The following CNGB1 variants were observed in gnomAD, a reference collection of about 807,000 sequenced individuals.
CNGB1 encodes cyclic nucleotide gated channel subunit beta 1.
Under a neutral mutation model 151.7 loss-of-function variants are expected in CNGB1, and 126 were observed. The observed-to-expected ratio is 0.83, with a 90% confidence interval of 0.72 to 0.96. The LOEUF (loss-of-function observed/expected upper bound fraction) is 0.96. CNGB1 is among the 40% of genes least tolerant of loss of function. The pLI, the probability that CNGB1 is intolerant of heterozygous loss-of-function variation, is 0.00. For synonymous variants in CNGB1, 623 were observed against 635.1 expected (o/e 0.98, Z 0.29); for missense variants, 1,698 against 1,627.0 (o/e 1.04, Z -0.75).
intron 31 of CNGB1, among the ~76,000 whole-genome samples, chr16:57,895,916 G>A (rs1272160273): frequency 2.0e-5 from 3 of 152,134 alleles, no homozygotes; most frequent in African/African-American, 7.2e-5. Context: ...AATAATGATT[G>A]TTAACAGAGT....
In CNGB1 at chr16:57,949,436, C is replaced by G. The variant is rs1167148400; in HGVS notation, c.1038G>C (p.Glu346Asp). Residue 346 changes from glutamate (E) to aspartate (D), a missense_variant, in exon 14 of 33, where the codon GAG (glutamate) becomes GAC (aspartate). By Grantham distance (45) the Glu-to-Asp change is conservative. Transcript: ENST00000251102. ...ENKAVEKMPR[E>D]LSRIEEEKED... ...CTTTCTCCTCTTCAATCCGGGACAG[C>G]TCTCTGAGTTGGGGTTAGAGGCAGG... 1 of 1,613,740 alleles carries G rather than the reference C, an allele frequency of 6.2e-7. No individual in the cohort carries two copies.
rs1461574260 is a variant in CNGB1 at position 57,916,264 on chromosome 16, A to AC, written c.2167-86dup. Reference sequence around the variant, plus strand: ...GAGCAATTGTGAAACTTCCCCAAGAACCCCACCCTGAAACGAGCATAACAG... The same window carrying AC: ...GAGCAATTGTGAAACTTCCCCAAGAACCCCCACCCTGAAACGAGCATAACAG... On this transcript the variant is annotated intron_variant, in intron 21 of 32. Transcript: ENST00000251102. 2.8e-5 allele frequency: 38 copies of AC among 1,346,288 alleles called. 1 individual carries two copies. The Admixed American group carries it at 5.2e-4, about 19-fold the overall frequency. The allele number at this position is 1,346,288 out of a possible 1,614,324, so 83.4% of individuals were successfully genotyped here. A position where few individuals can be genotyped will look rare whatever the true frequency, so the allele number is the denominator to read the frequency against.
At chr16:57,925,628 T>C (rs891422883) in intron 17 of CNGB1, among the ~76,000 whole-genome samples, 50 of 152,138 alleles carry the variant, frequency 3.3e-4, no homozygotes, top group African/African-American at 1.2e-3. Context: ...GAAAGTAAAA[T>C]GGTGGAGCTG....
chr16:57,907,039 C>A (rs1276297250), intron 25 of CNGB1, among the ~76,000 whole-genome samples: 2 of 152,298 alleles, frequency 1.3e-5, no homozygotes, highest in Non-Finnish European at 2.9e-5. Flanking sequence ...TCTTAAGAAT[C>A]CTCCTTCATT....
Position 57,904,850 on chromosome 16 carries a change from C to T in CNGB1, c.2518G>A (p.Val840Met), listed in dbSNP as rs1349863026. The T allele has an allele frequency of 1.2e-6, 2 of 1,614,034 alleles. No individual in the cohort carries two copies. The highest frequency in any genetic ancestry group is 2.2e-5 in the East Asian group (1 of 44,892). Reference protein sequence around the residue: ...NSYIRCYYFAVKTLITIGGLP... With the variant: ...NSYIRCYYFAMKTLITIGGLP... ...CCCCCGATGGTGATGAGGGTCTTCA[C>T]AGCAAAGTAGTAACAGCGAATATAA... The change falls in exon 26 of 33, where the codon GTG (valine) becomes ATG (methionine). Residue 840 changes from valine to methionine, a missense_variant. Coordinates refer to ENST00000251102, the MANE Select transcript of CNGB1 (RefSeq NM_001297.5).
intron 12 of CNGB1, among the ~76,000 whole-genome samples, chr16:57,953,114 T>C (rs1233753004): frequency 6.6e-6 from 1 of 152,152 alleles, no homozygotes; most frequent in East Asian, 1.9e-4. Context: ...CCATAGAAAC[T>C]GCCACTCCAC....
At chr16:57,928,169 G>T (rs2149370279) in intron 17 of CNGB1, among the ~76,000 whole-genome samples, 1 of 152,338 alleles carries the variant, frequency 6.6e-6, no homozygotes, top group African/African-American at 2.4e-5. Flanking sequence ...TGTACACACA[G>T]CCTTCTCCCA....
At chr16:57,969,199 C>T (rs886886961) in intron 1 of CNGB1, among the ~76,000 whole-genome samples, 10 of 151,946 alleles carry the variant, frequency 6.6e-5, no homozygotes, top group East Asian at 5.8e-4. Context: ...CCAGCTACTC[C>T]GGAGGCTGAG....
At chr16:57,894,370 G>A (rs1338308955) in intron 31 of CNGB1, among the ~76,000 whole-genome samples, 1 of 152,256 alleles carries the variant, frequency 6.6e-6, no homozygotes, top group Non-Finnish European at 1.5e-5. Flanking sequence ...GGAGGCAGAA[G>A]CGGGCAGATC....
intron 17 of CNGB1, among the ~76,000 whole-genome samples, chr16:57,929,252 A>T (rs756894998): frequency 7.9e-5 from 12 of 152,242 alleles, no homozygotes; most frequent in Non-Finnish European, 1.6e-4. Context: ...GCTACTCGAC[A>T]TCACTAATCG....
rs905406750 is a variant in CNGB1 at position 57,971,108 on chromosome 16, C to G, written c.-57G>C. On this transcript the variant is annotated 5_prime_UTR_variant, in exon 1 of 33. Transcript: ENST00000251102. Reference sequence around the variant, plus strand: ...CAGGAATTGCCTTCTTGCTGCCACTCGTAGCTGGCCCCTCAGACACAAGGA... The same window carrying G: ...CAGGAATTGCCTTCTTGCTGCCACTGGTAGCTGGCCCCTCAGACACAAGGA... The G allele has an allele frequency of 2.2e-4, 34 of 152,282 alleles. No individual in the cohort carries two copies. The highest frequency in any genetic ancestry group is 8.0e-4 in the African/African-American group (33 of 41,450). The allele number at this position is 152,282 out of a possible 1,614,324, so 9.4% of individuals were successfully genotyped here.
chr16:57,967,004 C>A (rs1962415144), intron 2 of CNGB1, 124 bp downstream of exon 2: 1 of 1,373,168 alleles, frequency 7.3e-7, no homozygotes, highest in South Asian at 1.2e-5. Flanking sequence ...ACCCTGTGAC[C>A]CCCACTTTTC....
At chr16:57,958,290 G>A in intron 11 of CNGB1, 120 bp downstream of exon 11, 1 of 538,962 alleles carries the variant, frequency 1.9e-6, no homozygotes, top group East Asian at 3.5e-5. Flanking sequence ...GGGCCATGCA[G>A]ACAGGAAGGC....
Position 57,916,145 on chromosome 16 carries a change from T to A in CNGB1, c.2201A>T (p.Lys734Met). 1 of 1,614,058 alleles carries A rather than the reference T, an allele frequency of 6.2e-7. No homozygotes were observed. Among genetic ancestry groups the A allele is most frequent in the Non-Finnish European group, 8.5e-7 (1 of 1,179,966 alleles). The change falls in exon 22 of 33, where the codon AAG becomes ATG. Residue 734 changes from lysine to methionine, a missense_variant. Lys to Met is a moderately conservative substitution (Grantham distance 95, BLOSUM62 -1). Coordinates refer to ENST00000251102, the MANE Select transcript of CNGB1 (RefSeq NM_001297.5). ...DKKDMRNNYL[K>M]SRRFKMDLLS... ...GGCACACACCTTGAAGCGGCGAGAC[T>A]TCAGGTAGTTATTTCGCATGTCCTT...
intron 17 of CNGB1, among the ~76,000 whole-genome samples, chr16:57,924,242 G>A (rs1175231285): frequency 6.6e-6 from 1 of 152,038 alleles, no homozygotes; most frequent in Non-Finnish European, 1.5e-5. Context: ...GAATGAATTG[G>A]TTTACTGAGA....
chr16:57,887,894 C>A lies in CNGB1; in HGVS notation c.3423G>T (p.Ala1141=). Residue 1141 remains alanine, a synonymous_variant, in exon 32 of 33, where the codon GCG becomes GCT. Coordinates refer to ENST00000251102, the MANE Select transcript of CNGB1 (RefSeq NM_001297.5). ...CTTGCTGCTTTGCAGCCGCCTCCAGCGCGGCCAGTTCTTTGAGCCGGGCCC... is the reference window on the plus strand; with the variant it reads ...CTTGCTGCTTTGCAGCCGCCTCCAGAGCGGCCAGTTCTTTGAGCCGGGCCC... ...HLRARLKELA[A]LEAAAKQQEL... The A allele has an allele frequency of 1.2e-6, 2 of 1,614,194 alleles. No individual in the cohort carries two copies. The highest frequency in any genetic ancestry group is 1.7e-6 in the Non-Finnish European group (2 of 1,180,034).
In CNGB1 at chr16:57,916,167, C is replaced by G. The variant is rs1307448468; in HGVS notation, c.2179G>C (p.Asp727His). ...GACTTCAGGTAGTTATTTCGCATGT[C>G]CTTTTTGTCCGTCTGAAAGAAAGGG... ...RGGDIITDKK[D>H]MRNNYLKSRR... Residue 727 changes from aspartate (D) to histidine (H), a missense_variant, in exon 22 of 33, where the codon GAC (aspartate) becomes CAC (histidine). By Grantham distance (81) the Asp-to-His change is moderately conservative. Transcript: ENST00000251102. 6.2e-7 allele frequency: 1 copy of G among 1,613,824 alleles called. No individual in the cohort carries two copies. The highest frequency in any genetic ancestry group is 8.5e-7 in the Non-Finnish European group (1 of 1,179,872).
At position 57,962,892 on chromosome 16, in the gene CNGB1, A is replaced by C; in HGVS notation, c.382-20T>G. The C allele has an allele frequency of 6.2e-7, 1 of 1,612,528 alleles. No individual in the cohort carries two copies. The highest frequency in any genetic ancestry group is 8.5e-7 in the Non-Finnish European group (1 of 1,180,012). ...CAGGATCTGCCAGGGACAGACAGAC[A>C]GACATGGGCAGGGAGCCCAAGGGCA... On this transcript the variant is annotated intron_variant, in intron 5 of 32. Coordinates refer to ENST00000251102, the MANE Select transcript of CNGB1 (RefSeq NM_001297.5).
intron 12 of CNGB1, among the ~76,000 whole-genome samples, chr16:57,951,340 T>C (rs1054175317): frequency 1.3e-5 from 2 of 152,060 alleles, no homozygotes; most frequent in African/African-American, 4.8e-5. Flanking sequence ...CAGCCAAACA[T>C]GAATTAGTAA....
Sources: allele counts gnomAD v4.1 joint callset (sites outside exome capture counted in the v4.1 genomes callset), GRCh38; gene constraint gnomAD v4.1.1; transcripts MANE v1.5; gene names NCBI Gene and HGNC (gene_info 2026-07-23, HGNC 2026-07-21).